Variants in SHANK2 observed in about 807,000 individuals in gnomAD.
SHANK2 encodes SH3 and multiple ankyrin repeat domains protein 2.
Under a neutral mutation model 133.7 loss-of-function variants are expected in SHANK2, and 43 were observed. The ratio of observed to expected loss-of-function variants is 0.32; its 90% CI spans 0.25 to 0.41. The LOEUF (loss-of-function observed/expected upper bound fraction) is 0.41. SHANK2 is among the 10% of genes least tolerant of loss of function. The probability of loss-of-function intolerance (pLI) is 1.00; values close to 1 mark genes in which losing one functional copy is unlikely to be tolerated. For missense variants in SHANK2, 1,994 were observed against 2,235.8 expected, an observed-to-expected ratio of 0.89 and a Z score of 2.18; for synonymous variants, 1,017 against 952.8, an observed-to-expected ratio of 1.07 and a Z score of -1.24.
At chr11:70,481,802 T>G (rs146591518) in intron 25 of SHANK2, among the ~76,000 whole-genome samples, 1 of 152,314 alleles carries the variant, frequency 6.6e-6, no homozygotes, top group African/African-American at 2.4e-5. Flanking sequence ...AGGTGAGAGT[T>G]CTTAAGGCTC....
intron 10 of SHANK2, among the ~76,000 whole-genome samples, chr11:70,949,685 C>A (rs1950804621): frequency 6.6e-6 from 1 of 152,180 alleles, no homozygotes; most frequent in South Asian, 2.1e-4. Flanking sequence ...AGGAAGTCCC[C>A]ATCCCACACA....
intron 3 of SHANK2, among the ~76,000 whole-genome samples, chr11:71,120,920 G>A (rs140491981): frequency 4.6e-5 from 7 of 152,322 alleles, no homozygotes; most frequent in African/African-American, 1.4e-4. Context: ...AGGAGCACAG[G>A]GCTCCAAACT....
intron 11 of SHANK2, among the ~76,000 whole-genome samples, chr11:70,848,937 C>T (rs1361328699): frequency 6.6e-6 from 1 of 152,182 alleles, no homozygotes; most frequent in Non-Finnish European, 1.5e-5. Flanking sequence ...ATACAGACAG[C>T]TGGGCCTCTG....
chr11:71,158,497 T>A (rs549959446), intron 2 of SHANK2, among the ~76,000 whole-genome samples: 299 of 152,308 alleles, frequency 2.0e-3, no homozygotes, highest in Non-Finnish European at 3.4e-3. Context: ...AATGAAGAGC[T>A]ATACAATGAT....
chr11:71,125,651 G>A (rs1590936316), intron 3 of SHANK2, among the ~76,000 whole-genome samples: 1 of 152,242 alleles, frequency 6.6e-6, no homozygotes, highest in Admixed American at 6.5e-5. Flanking sequence ...AGCAAGTGCT[G>A]ATGGAGAAGC....
intron 17 of SHANK2, among the ~76,000 whole-genome samples, chr11:70,599,895 AAGAAAGAAAG>A (rs1237787451): frequency 3.0e-5 from 3 of 101,188 alleles, no homozygotes; most frequent in Admixed American, 1.2e-4. Context: ...AAGAAAAAGA[AAGAAAGAAAG>A]AGAAAGAAAG....
At chr11:71,178,183 CT>C (rs1305779337) in intron 2 of SHANK2, among the ~76,000 whole-genome samples, 1 of 152,206 alleles carries the variant, frequency 6.6e-6, no homozygotes, top group Non-Finnish European at 1.5e-5. Flanking sequence ...ACCCTTTCAC[CT>C]GTCCATCAAC....
At chr11:71,218,012 G>T (rs539529691) in intron 2 of SHANK2, among the ~76,000 whole-genome samples, 2 of 151,354 alleles carry the variant, frequency 1.3e-5, no homozygotes, top group African/African-American at 4.9e-5. Flanking sequence ...CACCACGCCC[G>T]GCTAATTTTT....
chr11:71,193,699 A>G (rs949398393), intron 2 of SHANK2, among the ~76,000 whole-genome samples: 1 of 152,144 alleles, frequency 6.6e-6, no homozygotes, highest in African/African-American at 2.4e-5. Context: ...CAAAGTGCAC[A>G]GACCAGGCAC....
At chr11:70,622,428 G>A (rs2060841924) in intron 17 of SHANK2, among the ~76,000 whole-genome samples, 1 of 152,164 alleles carries the variant, frequency 6.6e-6, no homozygotes, top group African/African-American at 2.4e-5. Context: ...CTCTGTGCGA[G>A]TGTCCTGGGC....
chr11:71,233,433 G>A (rs1565529917), intron 1 of SHANK2, among the ~76,000 whole-genome samples: 1 of 152,150 alleles, frequency 6.6e-6, no homozygotes, highest in African/African-American at 2.4e-5. Context: ...TCACCAAGAC[G>A]GGAGACAGAT....
chr11:70,914,309 G>A (rs1431708626), intron 10 of SHANK2, among the ~76,000 whole-genome samples: 4 of 151,894 alleles, frequency 2.6e-5, no homozygotes, highest in African/African-American at 9.7e-5. Context: ...CTCTCAGGTA[G>A]AATCCACCTG....
chr11:70,474,542 C>T (rs1251101086), intron 25 of SHANK2: 2 of 152,250 alleles, frequency 1.3e-5, no homozygotes, highest in Non-Finnish European at 2.9e-5. Context: ...CTCACGGGCT[C>T]TGGCCAAGGC....
chr11:70,750,775 G>A (rs2134889881), intron 14 of SHANK2, among the ~76,000 whole-genome samples: 1 of 152,272 alleles, frequency 6.6e-6, no homozygotes, highest in East Asian at 1.9e-4. Context: ...CAAGCTTGGC[G>A]AGTGTCTGTG....
chr11:71,183,840 C>T (rs1953614662), intron 2 of SHANK2, among the ~76,000 whole-genome samples: 2 of 152,194 alleles, frequency 1.3e-5, no homozygotes, highest in Non-Finnish European at 2.9e-5. Context: ...TGCCTGGACC[C>T]AGCTGATGAG....
chr11:71,111,878 C>A (rs1353967347), intron 5 of SHANK2, among the ~76,000 whole-genome samples: 3 of 152,150 alleles, frequency 2.0e-5, no homozygotes, highest in Non-Finnish European at 2.9e-5. Flanking sequence ...GCACCCAGAT[C>A]TTGCCGTCTG....
chr11:71,159,937 A>G (rs117042248), intron 2 of SHANK2, among the ~76,000 whole-genome samples: 2,419 of 149,548 alleles, frequency 0.016, 70 homozygotes, highest in East Asian at 0.087. Flanking sequence ...CAGTGAGCCT[A>G]GATCGTGCCA....
chr11:70,916,449 C>A (rs1555079882), intron 10 of SHANK2, among the ~76,000 whole-genome samples: 1 of 152,090 alleles, frequency 6.6e-6, no homozygotes, highest in Non-Finnish European at 1.5e-5. Flanking sequence ...GCGAGGCTGG[C>A]AGACAGCAGA....
chr11:71,119,936 G>A (rs1454190176), intron 3 of SHANK2, among the ~76,000 whole-genome samples: 6 of 152,116 alleles, frequency 3.9e-5, no homozygotes, highest in African/African-American at 1.2e-4. Flanking sequence ...CCACACTGAC[G>A]AGAAAGTTTT....
Sources: allele counts gnomAD v4.1 joint callset (sites outside exome capture counted in the v4.1 genomes callset), GRCh38; gene constraint gnomAD v4.1.1; transcripts MANE v1.5; gene names NCBI Gene and HGNC (gene_info 2026-07-23, HGNC 2026-07-21).